The following DYSF variants were observed in gnomAD, a reference collection of about 807,000 sequenced individuals.
DYSF encodes dysferlin, also known as dystrophy-associated fer-1-like 1.
In DYSF, 212 loss-of-function variants were observed where a neutral mutation model predicts 274.9. The ratio of observed to expected loss-of-function variants is 0.77; its 90% CI spans 0.69 to 0.86. The LOEUF is 0.86. Ranked by LOEUF, DYSF falls within the 40% of genes least tolerant of loss-of-function variation. The pLI is 0.00. For synonymous variants in DYSF, 1,091 were observed against 1,078.7 expected, an observed-to-expected ratio of 1.01 and a Z score of -0.22; for missense variants, 2,666 against 2,783.2, an observed-to-expected ratio of 0.96 and a Z score of 0.95.
At chr2:71,516,325 CGTGT>C in intron 9 of DYSF, 83 bp downstream of exon 9, 5 of 1,372,898 alleles carry the variant, frequency 3.6e-6, no homozygotes, top group Non-Finnish European at 5.2e-6. Context: ...TGTTTGTGCA[CGTGT>C]GTGCATGTGC....
At chr2:71,584,719 A>G (rs549629241) in intron 30 of DYSF, among the ~76,000 whole-genome samples, 1 of 152,312 alleles carries the variant, frequency 6.6e-6, no homozygotes, top group Non-Finnish European at 1.5e-5. Flanking sequence ...TCTTGCCTGC[A>G]TACATGGAGG....
chr2:71,568,411 A>T lies in DYSF; in HGVS notation c.2864+73A>T, dbSNP rs1464270404. 14 of 1,579,676 alleles carry T rather than the reference A, an allele frequency of 8.9e-6. No individual in the cohort carries two copies. In the South Asian group the frequency reaches 1.1e-4, roughly 13 times the overall value. On this transcript the variant is annotated intron_variant, in intron 26 of 55. Coordinates refer to ENST00000410020, the MANE Select transcript of DYSF (RefSeq NM_001130987.2). Reference sequence around the variant, plus strand: ...ACCATGGACTGCACCCTCCTTTTGGAGGCAGGCTGGGGTCTGTTGATCCCT... The same window carrying T: ...ACCATGGACTGCACCCTCCTTTTGGTGGCAGGCTGGGGTCTGTTGATCCCT...
chr2:71,575,100 A>G (rs368852927), intron 30 of DYSF, among the ~76,000 whole-genome samples: 37 of 152,142 alleles, frequency 2.4e-4, no homozygotes, highest in African/African-American at 8.7e-4. Flanking sequence ...GCCCCATGGG[A>G]CGTGAGGGTG....
chr2:71,576,665 G>A (rs2092709232), intron 30 of DYSF, among the ~76,000 whole-genome samples: 2 of 152,216 alleles, frequency 1.3e-5, no homozygotes, highest in African/African-American at 4.8e-5. Flanking sequence ...CCTGCCAGGC[G>A]GCCCAGGGCA....
chr2:71,486,439 T>C (rs2083371357), intron 3 of DYSF, among the ~76,000 whole-genome samples: 1 of 152,052 alleles, frequency 6.6e-6, no homozygotes, highest in Non-Finnish European at 1.5e-5. Flanking sequence ...CTCCTCCTTC[T>C]CTTGCCCCTC....
chr2:71,593,572 G>A (rs1042503717), intron 32 of DYSF, among the ~76,000 whole-genome samples: 3 of 152,178 alleles, frequency 2.0e-5, no homozygotes, highest in African/African-American at 4.8e-5. Context: ...ACCTAGCTCC[G>A]TCCTGCCCAC....
At chr2:71,628,474 A>G (rs1286606799) in intron 41 of DYSF, among the ~76,000 whole-genome samples, 10 of 151,274 alleles carry the variant, frequency 6.6e-5, no homozygotes, top group Admixed American at 5.9e-4. Flanking sequence ...TGAAATTCCT[A>G]TAATTGAGGT....
chr2:71,469,637 A>G (rs1011847295), intron 1 of DYSF, among the ~76,000 whole-genome samples: 7 of 152,050 alleles, frequency 4.6e-5, no homozygotes, highest in Middle Eastern at 3.2e-3. Flanking sequence ...TGCCTCCCAA[A>G]ATAGACTATG....
chr2:71,618,370 GGCATGTGTGGTAGAGGTGGT>G (rs2093979787), intron 40 of DYSF, among the ~76,000 whole-genome samples: 2 of 2,026 alleles, frequency 9.9e-4, no homozygotes, highest in African/African-American at 2.1e-3. Flanking sequence ...TGGTAGAGGT[GGCATGTGTGGTAGAGGTGGT>G]GTGTGTGTGT....
chr2:71,461,575 A>G (rs753729203), intron 1 of DYSF, among the ~76,000 whole-genome samples: 16 of 152,246 alleles, frequency 1.1e-4, no homozygotes, highest in Non-Finnish European at 2.1e-4. Context: ...AAACCTCCCA[A>G]GAGGCTTTTA....
At chr2:71,617,056 G>C (rs2093900925) in intron 40 of DYSF, among the ~76,000 whole-genome samples, 1 of 152,106 alleles carries the variant, frequency 6.6e-6, no homozygotes, top group Admixed American at 6.5e-5. Context: ...TAGAGGCTGT[G>C]CCCCCAGAAA....
intron 24 of DYSF, among the ~76,000 whole-genome samples, chr2:71,564,601 A>G (rs2091973724): frequency 6.6e-6 from 1 of 152,116 alleles, no homozygotes; most frequent in Non-Finnish European, 1.5e-5. Flanking sequence ...CTTCCACACC[A>G]ACCCGAGTGC....
intron 1 of DYSF, among the ~76,000 whole-genome samples, chr2:71,460,882 G>T (rs1038353053): frequency 2.0e-4 from 31 of 151,554 alleles, no homozygotes; most frequent in African/African-American, 7.0e-4. Flanking sequence ...TGGAGCTGGG[G>T]TAGGGTGGGG....
intron 3 of DYSF, among the ~76,000 whole-genome samples, chr2:71,487,106 G>C (rs1255401323): frequency 6.6e-6 from 1 of 152,156 alleles, no homozygotes; most frequent in East Asian, 1.9e-4. Context: ...GCGCAGCCTG[G>C]GCTGAGAGCC....
Position 71,569,890 on chromosome 2 carries a change from C to T in DYSF, c.2935C>T (p.Pro979Ser). Residue 979 changes from proline (P) to serine (S), a missense_variant, in exon 27 of 56, where the codon CCC (proline) becomes TCC (serine). By Grantham distance (74) the Pro-to-Ser change is moderately conservative. This residue lies in a region of DYSF where 412 missense variants were observed against 504.0 expected (regional missense o/e 0.82). Coordinates refer to ENST00000410020, the MANE Select transcript of DYSF (RefSeq NM_001130987.2). ...EEVFENQTRL[P>S]GGQWIYMSDN... ...GGTGTTTGAGAACCAGACCCGGCTT[C>T]CCGGAGGCCAGTGGATCTACATGAG... is the stretch of plus-strand genomic sequence containing the variant. The T allele has an allele frequency of 6.2e-7, 1 of 1,614,140 alleles. No individual in the cohort carries two copies. Among genetic ancestry groups the T allele is most frequent in the Non-Finnish European group, 8.5e-7 (1 of 1,180,032 alleles).
intron 3 of DYSF, among the ~76,000 whole-genome samples, chr2:71,487,880 T>C (rs2083486503): frequency 6.6e-6 from 1 of 152,220 alleles, no homozygotes; most frequent in South Asian, 2.1e-4. Flanking sequence ...ATAGAAATGG[T>C]CATTCTTGTA....
At chr2:71,530,650 A>G (rs78483279) in intron 14 of DYSF, among the ~76,000 whole-genome samples, 1 of 152,160 alleles carries the variant, frequency 6.6e-6, no homozygotes, top group Non-Finnish European at 1.5e-5. Context: ...TGAAGGAGGC[A>G]GCTGGAATGC....
intron 4 of DYSF, 84 bp from the exon 5 acceptor site, chr2:71,511,723 G>A (rs2086112962): frequency 3.4e-6 from 3 of 895,016 alleles, no homozygotes; most frequent in South Asian, 2.8e-5. Context: ...CTTGGTGGAG[G>A]GATGCCAGAA....
At chr2:71,584,648 A>C (rs2093005280) in intron 30 of DYSF, among the ~76,000 whole-genome samples, 2 of 152,178 alleles carry the variant, frequency 1.3e-5, no homozygotes, top group South Asian at 2.1e-4. Context: ...ATAAATCTTC[A>C]TTGGACGCCC....
Sources: allele counts gnomAD v4.1 joint callset (sites outside exome capture counted in the v4.1 genomes callset), GRCh38; gene constraint gnomAD v4.1.1; regional missense constraint gnomAD v4.1.1; transcripts MANE v1.5; gene names NCBI Gene and HGNC (gene_info 2026-07-23, HGNC 2026-07-21).